The following TOR1AIP1 variants were observed in gnomAD, a reference collection of about 807,000 sequenced individuals.
TOR1AIP1 encodes the protein torsin 1A interacting protein 1, also known as torsin-1A-interacting protein 1.
In TOR1AIP1, 54 loss-of-function variants were observed where a neutral mutation model predicts 63.3. That is an observed-to-expected ratio of 0.85 (90% CI 0.69 to 1.07). The LOEUF (loss-of-function observed/expected upper bound fraction) is 1.07, where lower values mean the gene tolerates loss of function less well. Among genes scored for constraint, TOR1AIP1 ranks in the 50% least tolerant of loss-of-function variants. The pLI, the probability that TOR1AIP1 is intolerant of heterozygous loss-of-function variation, is 0.00. For synonymous variants in TOR1AIP1, 294 were observed against 273.5 expected (o/e 1.07, Z -0.74); for missense variants, 736 against 715.0 (o/e 1.03, Z -0.33).
intron 8 of TOR1AIP1, among the ~76,000 whole-genome samples, chr1:179,910,401 CAT>C (rs1319126636): frequency 6.6e-6 from 1 of 152,090 alleles, no homozygotes; most frequent in African/African-American, 2.4e-5. Flanking sequence ...TCTGCTTTTC[CAT>C]CAGTAAAGTA....
intron 7 of TOR1AIP1, 132 bp downstream of exon 7, chr1:179,907,996 C>A: frequency 1.7e-6 from 1 of 571,588 alleles, no homozygotes; most frequent in Non-Finnish European, 2.8e-6. Context: ...GCAAGCTCCA[C>A]CTCCTGGGTT....
At chr1:179,912,576 CA>C (rs1558046691) in intron 8 of TOR1AIP1, among the ~76,000 whole-genome samples, 1 of 152,124 alleles carries the variant, frequency 6.6e-6, no homozygotes, top group Non-Finnish European at 1.5e-5. Context: ...TTGATCTTTG[CA>C]ACCATGGAGT....
chr1:179,901,693 G>A (rs1042753651), intron 5 of TOR1AIP1, among the ~76,000 whole-genome samples: 9 of 151,922 alleles, frequency 5.9e-5, no homozygotes, highest in African/African-American at 2.2e-4. Context: ...ATTGCCATTG[G>A]GACTGACAAC....
intron 1 of TOR1AIP1, 172 bp downstream of exon 1, chr1:179,883,149 C>A: frequency 1.5e-6 from 1 of 667,238 alleles, no homozygotes; most frequent in Non-Finnish European, 2.5e-6. Flanking sequence ...CCCTGACCCG[C>A]AGCGGGGAAG....
chr1:179,916,086 TAAA>T (rs1176878112), intron 9 of TOR1AIP1, among the ~76,000 whole-genome samples: 3 of 152,188 alleles, frequency 2.0e-5, no homozygotes, highest in Non-Finnish European at 2.9e-5. Flanking sequence ...TTTAATAAGA[TAAA>T]TAATTAACTG....
At chr1:179,883,386 G>A (rs780157298) in intron 1 of TOR1AIP1, among the ~76,000 whole-genome samples, 3 of 152,148 alleles carry the variant, frequency 2.0e-5, no homozygotes, top group Non-Finnish European at 2.9e-5. Context: ...TAACGCTCGC[G>A]GGCCAGAGTC....
rs748910553 is a variant in TOR1AIP1, at chr1:179,907,405, G to A, written c.797-418G>A. ...GATTGTGCCACTGCATTCCAGCCTG[G>A]GTGACAGAGTCAGACCCTGTCTCAA... On this transcript the variant is annotated intron_variant, in intron 6 of 9. Transcript: ENST00000606911. Among the ~76,000 whole-genome samples, 17 of 148,156 alleles carry A rather than the reference G, an allele frequency of 1.1e-4. 1 individual carries two copies. The highest frequency in any genetic ancestry group is 3.0e-5 in the Non-Finnish European group (2 of 67,300).
At chr1:179,884,859 A>T in intron 2 of TOR1AIP1, 90 bp downstream of exon 2, 1 of 949,652 alleles carries the variant, frequency 1.1e-6, no homozygotes, top group Non-Finnish European at 1.6e-6. Context: ...TGTAAAGAAA[A>T]GACAAGGGCA....
At chr1:179,910,839 GTACA>G (rs1183054587) in intron 8 of TOR1AIP1, among the ~76,000 whole-genome samples, 1 of 152,126 alleles carries the variant, frequency 6.6e-6, no homozygotes, top group African/African-American at 2.4e-5. Context: ...AGTGAAGTTA[GTACA>G]TACTTATCAG....
Position 179,901,296 on chromosome 1 carries a change from C to A in TOR1AIP1, c.653-6C>A, listed in dbSNP as rs200800578. 61 of 1,603,810 alleles carry A rather than the reference C, an allele frequency of 3.8e-5. No individual in the cohort carries two copies. The highest frequency in any genetic ancestry group is 4.7e-5 in the Non-Finnish European group (55 of 1,172,612). ...CTATATTAGTATATTGTTTACTTCT[C>A]TTTAGGAGAAACTGAAGAAGATGAT... On this transcript the variant is annotated splice_region_variant and splice_polypyrimidine_tract_variant and intron_variant, in intron 4 of 9. Coordinates refer to ENST00000606911, the MANE Select transcript of TOR1AIP1 (RefSeq NM_015602.4).
chr1:179,907,911 C>CTTTT, intron 7 of TOR1AIP1, 47 bp downstream of exon 7: 2 of 636,568 alleles, frequency 3.1e-6, no homozygotes, highest in East Asian at 3.7e-5. Context: ...CAATTCTTTT[C>CTTTT]TCTTTTTTTT....
At chr1:179,906,069 T>C (rs1365782518) in intron 6 of TOR1AIP1, among the ~76,000 whole-genome samples, 1 of 152,222 alleles carries the variant, frequency 6.6e-6, no homozygotes, top group Non-Finnish European at 1.5e-5. Flanking sequence ...TATGTATCAA[T>C]GAGAAAGAAA....
intron 3 of TOR1AIP1, 130 bp from the exon 4 acceptor site, chr1:179,899,996 C>T (rs1648399045): frequency 1.6e-6 from 1 of 638,408 alleles, no homozygotes; most frequent in Admixed American, 3.0e-5. Flanking sequence ...TCCTCATGTT[C>T]ATTTTCCTAA....
At chr1:179,904,105 T>C in intron 6 of TOR1AIP1, 83 bp downstream of exon 6, 1 of 1,038,936 alleles carries the variant, frequency 9.6e-7, no homozygotes, top group Middle Eastern at 2.1e-4. Context: ...TTTTGAAATT[T>C]AACGTAAATA....
At chr1:179,898,604 A>C (rs1392443319) in intron 3 of TOR1AIP1, among the ~76,000 whole-genome samples, 2 of 152,166 alleles carry the variant, frequency 1.3e-5, no homozygotes, top group Non-Finnish European at 2.9e-5. Context: ...TCATGCCTGT[A>C]TTACAGTCTC....
chr1:179,913,152 T>TG (rs1400281863), intron 8 of TOR1AIP1, among the ~76,000 whole-genome samples: 1 of 149,760 alleles, frequency 6.7e-6, no homozygotes, highest in Non-Finnish European at 1.5e-5. Context: ...TTTTTAGAGA[T>TG]GGGGTCTCAC....
chr1:179,882,753 G>T lies in TOR1AIP1; in HGVS notation c.251G>T (p.Arg84Leu). The T allele has an allele frequency of 1.2e-6, 2 of 1,614,172 alleles. No individual in the cohort carries two copies. Among genetic ancestry groups the T allele is most frequent in the Non-Finnish European group, 1.7e-6 (2 of 1,180,026 alleles). ...AAAGAAAGGTCCCCGGTGGGAAAAC[G>T]AACCCGGCTAGAAGAGTTCCGGTCC... The part of the protein sequence containing the change: ...VAKERSPVGK[R>L]TRLEEFRSDS... Residue 84 changes from arginine (R) to leucine (L), a missense_variant, in exon 1 of 10, where the codon CGA becomes CTA. Coordinates refer to ENST00000606911, the MANE Select transcript of TOR1AIP1 (RefSeq NM_015602.4).
rs779777266 is a variant in TOR1AIP1 at position 179,918,174 on chromosome 1, C to T, written c.1687C>T (p.Arg563Cys). The change falls in exon 10 of 10, where the codon CGT becomes TGT. Residue 563 changes from arginine (R) to cysteine (C), a missense_variant. Physicochemically the swap from Arg to Cys is radical, Grantham distance 180. Transcript: ENST00000606911. ...AGACAAACTGAATGGCCTCTGGAGC[C>T]GTATTTCTCACTTAGTTCTGCCTGT... Reference protein sequence around the residue: ...DPDKLNGLWSRISHLVLPVQP... With the variant: ...DPDKLNGLWSCISHLVLPVQP... The T allele has an allele frequency of 8.1e-6, 13 of 1,612,080 alleles. No homozygotes were observed. The highest frequency in any genetic ancestry group is 1.1e-5 in the South Asian group (1 of 91,074).
At chr1:179,909,577 A>G (rs1444459013) in intron 8 of TOR1AIP1, among the ~76,000 whole-genome samples, 1 of 151,152 alleles carries the variant, frequency 6.6e-6, no homozygotes, top group African/African-American at 2.4e-5. Context: ...CACCCAGCTA[A>G]TTTTTGTATT....
Sources: allele counts gnomAD v4.1 joint callset (sites outside exome capture counted in the v4.1 genomes callset), GRCh38; gene constraint gnomAD v4.1.1; transcripts MANE v1.5; gene names NCBI Gene and HGNC (gene_info 2026-07-23, HGNC 2026-07-21).